The following TBC1D19 variants were observed in gnomAD, a reference collection of about 807,000 sequenced individuals.
The protein encoded by TBC1D19 is TBC1 domain family member 19.
In TBC1D19, 60 loss-of-function variants were observed where a neutral mutation model predicts 89.0. The ratio of observed to expected loss-of-function variants is 0.67; its 90% CI spans 0.55 to 0.84. The LOEUF (loss-of-function observed/expected upper bound fraction) is 0.84. Among genes scored for constraint, TBC1D19 ranks in the 40% least tolerant of loss-of-function variants. TBC1D19 has a pLI of 0.00. For synonymous variants in TBC1D19, 189 were observed against 199.7 expected (o/e 0.95, Z 0.45); for missense variants, 500 against 610.8 (o/e 0.82, Z 1.91).
chr4:26,696,101 A>G (rs1560478390), intron 13 of TBC1D19, among the ~76,000 whole-genome samples: 2 of 152,264 alleles, frequency 1.3e-5, no homozygotes, highest in Admixed American at 1.3e-4. Flanking sequence ...AGTGTGCTGT[A>G]TTCAGGAGAC....
At chr4:26,816,859 A>G in the TBC1D19 span, among the ~76,000 whole-genome samples, 2 of 152,232 alleles carry the variant, frequency 1.3e-5, no homozygotes, top group East Asian at 3.8e-4. Flanking sequence ...ACTACATTTT[A>G]GTAGTATAAA....
chr4:26,680,361 A>T (rs73249834), intron 11 of TBC1D19, among the ~76,000 whole-genome samples: 17,460 of 152,074 alleles, frequency 0.11, 1,270 homozygotes, highest in South Asian at 0.18. Flanking sequence ...ATCTACTTTT[A>T]AAAAAAATCT....
At chr4:26,717,498 C>G (rs966435057) in intron 13 of TBC1D19, among the ~76,000 whole-genome samples, 1 of 152,062 alleles carries the variant, frequency 6.6e-6, no homozygotes, top group Non-Finnish European at 1.5e-5. Context: ...CTAAGTACCA[C>G]GAGTTGCCTT....
intron 3 of TBC1D19, among the ~76,000 whole-genome samples, chr4:26,617,256 G>A (rs1202121955): frequency 6.6e-6 from 1 of 152,206 alleles, no homozygotes; most frequent in Non-Finnish European, 1.5e-5. Context: ...CGTAGGTGAA[G>A]CTCTTATGGC....
At chr4:26,603,432 C>T (rs778080506) in intron 1 of TBC1D19, among the ~76,000 whole-genome samples, 1 of 152,114 alleles carries the variant, frequency 6.6e-6, no homozygotes, top group Non-Finnish European at 1.5e-5. Context: ...TGGTCAGATT[C>T]TACATCAAAA....
chr4:26,594,375 G>C (rs1048597895), intron 1 of TBC1D19, among the ~76,000 whole-genome samples: 35 of 152,102 alleles, frequency 2.3e-4, no homozygotes, highest in African/African-American at 8.0e-4. Context: ...AGCATTAGGA[G>C]ATATACCTAA....
intron 16 of TBC1D19, among the ~76,000 whole-genome samples, chr4:26,737,115 G>A (rs1718098079): frequency 1.3e-5 from 2 of 152,060 alleles, no homozygotes; most frequent in African/African-American, 2.4e-5. Context: ...TCAGATGGTC[G>A]TGGTGAATGA....
At chr4:26,791,978 A>G in the TBC1D19 span, among the ~76,000 whole-genome samples, 2 of 152,182 alleles carry the variant, frequency 1.3e-5, no homozygotes, top group African/African-American at 4.8e-5. Flanking sequence ...GAGCATGTGG[A>G]TGGACAGAGC....
intron 7 of TBC1D19, among the ~76,000 whole-genome samples, chr4:26,651,090 C>T (rs975070600): frequency 5.3e-5 from 8 of 152,128 alleles, no homozygotes; most frequent in South Asian, 2.1e-4. Flanking sequence ...TGTTTTGGTA[C>T]GAGTACCATG....
chr4:26,658,168 G>A (rs554140816), intron 7 of TBC1D19, among the ~76,000 whole-genome samples: 17 of 152,246 alleles, frequency 1.1e-4, no homozygotes, highest in African/African-American at 3.8e-4. Flanking sequence ...GCCCATGCCT[G>A]TGTCCTGAAT....
chr4:26,772,263 C>T, the TBC1D19 span, among the ~76,000 whole-genome samples: 1 of 152,136 alleles, frequency 6.6e-6, no homozygotes, highest in African/African-American at 2.4e-5. Context: ...CTTTACCTCG[C>T]AGGTCTCAAG....
At chr4:26,597,871 T>A (rs1343413800) in intron 1 of TBC1D19, among the ~76,000 whole-genome samples, 1 of 152,146 alleles carries the variant, frequency 6.6e-6, no homozygotes, top group Non-Finnish European at 1.5e-5. Flanking sequence ...TTCCTCTTCA[T>A]TAGCTTGTTG....
chr4:26,728,586 T>G (rs1717461713), intron 15 of TBC1D19, among the ~76,000 whole-genome samples: 1 of 152,136 alleles, frequency 6.6e-6, no homozygotes. Context: ...AAAGAAATGT[T>G]TTTTGAGCTC....
At chr4:26,845,326 T>G in the TBC1D19 span, among the ~76,000 whole-genome samples, 1 of 152,258 alleles carries the variant, frequency 6.6e-6, no homozygotes, top group Non-Finnish European at 1.5e-5. Context: ...ATTACTGGGT[T>G]ATTGTAAACT....
At chr4:26,612,228 T>G (rs1044807741) in intron 1 of TBC1D19, among the ~76,000 whole-genome samples, 7 of 150,804 alleles carry the variant, frequency 4.6e-5, no homozygotes. Context: ...TCTAGTTGCT[T>G]GGTCTGTTTT....
chr4:26,835,528 G>A, the TBC1D19 span, among the ~76,000 whole-genome samples: 2 of 152,164 alleles, frequency 1.3e-5, no homozygotes, highest in African/African-American at 4.8e-5. Flanking sequence ...TTCTGTTCAT[G>A]CAGTTCATAA....
the TBC1D19 span, among the ~76,000 whole-genome samples, chr4:26,825,378 T>C: frequency 2.0e-5 from 3 of 152,358 alleles, no homozygotes; most frequent in Non-Finnish European, 4.4e-5. Context: ...ATTACAGGCA[T>C]GAGCCACCAC....
chr4:26,858,851 CT>C, the TBC1D19 span: 6 of 152,216 alleles, frequency 3.9e-5, no homozygotes, highest in African/African-American at 1.4e-4. Context: ...CCAATACACT[CT>C]CAATGTCAAT....
chr4:26,710,678 C>T (rs1016148945), intron 13 of TBC1D19, among the ~76,000 whole-genome samples: 2 of 152,160 alleles, frequency 1.3e-5, no homozygotes, highest in Non-Finnish European at 2.9e-5. Flanking sequence ...TCTCCACATC[C>T]TCTCCAGCAC....
Sources: gnomAD v4.1 joint callset for allele counts (sites outside exome capture counted in the v4.1 genomes callset) on GRCh38, gnomAD v4.1.1 for gene constraint, MANE v1.5 for transcripts, NCBI Gene and HGNC (gene_info 2026-07-23, HGNC 2026-07-21) for gene names.